The following AIMP1 variants were observed in gnomAD, a reference collection of about 807,000 sequenced individuals.
AIMP1 encodes aminoacyl tRNA synthetase complex interacting multifunctional protein 1.
A neutral mutation model predicts 33.1 loss-of-function variants in AIMP1; 24 were observed. The observed-to-expected ratio is 0.73, with a 90% confidence interval of 0.53 to 1.02. AIMP1 has a LOEUF of 1.02. Ranked by LOEUF, AIMP1 falls within the 50% of genes least tolerant of loss-of-function variation. The pLI is 0.00. For missense variants in AIMP1, 367 were observed against 364.8 expected (o/e 1.01, Z -0.05); for synonymous variants, 120 against 121.5 (o/e 0.99, Z 0.08).
intron 6 of AIMP1, among the ~76,000 whole-genome samples, chr4:106,346,000 T>C (rs1354370626): frequency 6.6e-6 from 1 of 151,434 alleles, no homozygotes; most frequent in East Asian, 1.9e-4. Flanking sequence ...CTAGAAGGTT[T>C]ATATTTCTAT....
intron 1 of AIMP1, among the ~76,000 whole-genome samples, chr4:106,317,080 AC>A (rs979765614): frequency 6.6e-6 from 1 of 152,180 alleles, no homozygotes; most frequent in African/African-American, 2.4e-5. Context: ...TTAGAAACAT[AC>A]TGTATTTTAG....
chr4:106,338,446 T>C (rs1054914140), intron 6 of AIMP1, among the ~76,000 whole-genome samples: 1 of 152,208 alleles, frequency 6.6e-6, no homozygotes, highest in African/African-American at 2.4e-5. Context: ...CAGCCATGGC[T>C]AAAAAGGGCT....
chr4:106,316,671 C>T, intron 1 of AIMP1, 77 bp downstream of exon 1: 2 of 1,454,994 alleles, frequency 1.4e-6, no homozygotes, highest in South Asian at 1.3e-5. Flanking sequence ...TCTAACTTGC[C>T]TCCAGGAGAG....
At position 106,316,571 on chromosome 4, in the gene AIMP1, G is replaced by C. The variant is rs77888521; in HGVS notation, c.-49G>C. The C allele has an allele frequency of 6.4e-7, 1 of 1,551,466 alleles. No homozygotes were observed. Among genetic ancestry groups the C allele is most frequent in the African/African-American group, 1.4e-5 (1 of 73,020 alleles). On this transcript the variant is annotated 5_prime_UTR_variant, in exon 1 of 7. Coordinates refer to ENST00000672341, the MANE Select transcript of AIMP1 (RefSeq NM_001142416.2). ...ACATGCTTCCTGCTGTGGCTGTCTC[G>C]GAACCCGTGGTCCTCCGCTTCATGT...
chr4:106,333,014 T>G (rs3109955), intron 5 of AIMP1, among the ~76,000 whole-genome samples: 1 of 147,550 alleles, frequency 6.8e-6, no homozygotes, highest in African/African-American at 2.5e-5. Flanking sequence ...GCCCCACCCC[T>G]ACCCTTCCCA....
upstream of AIMP1, chr4:106,316,201 T>C (rs1213315060): frequency 4.8e-6 from 1 of 207,894 alleles, no homozygotes; most frequent in Non-Finnish European, 9.8e-6. Flanking sequence ...TCCGAGCTTT[T>C]CACCCTCTAC....
intron 5 of AIMP1, among the ~76,000 whole-genome samples, chr4:106,332,420 A>G (rs1004917814): frequency 4.0e-5 from 6 of 151,784 alleles, no homozygotes; most frequent in African/African-American, 1.4e-4. Flanking sequence ...AAGGAATTAT[A>G]AAATTCCATG....
chr4:106,336,585 TC>T lies in AIMP1; in HGVS notation c.604-283del, dbSNP rs1391214327. Among the ~76,000 whole-genome samples the T allele has an allele frequency of 5.3e-5, 8 of 152,324 alleles. No homozygotes were observed. In the East Asian group the frequency reaches 1.4e-3, roughly 26 times the overall value. The stretch of plus-strand genomic sequence containing the variant: ...ATTGCTAGTACATGGCAGCTGAAAT[TC>T]AAAACCAAGTCTGTTTCACTCATTT... On this transcript the variant is annotated intron_variant, in intron 5 of 6. Transcript: ENST00000672341.
At chr4:106,320,673 G>T (rs1165495522) in intron 1 of AIMP1, among the ~76,000 whole-genome samples, 15 of 152,020 alleles carry the variant, frequency 9.9e-5, no homozygotes, top group African/African-American at 3.6e-4. Context: ...AAAAAAAGGA[G>T]CCCTGAAAGG....
chr4:106,338,389 G>A lies in AIMP1; in HGVS notation c.772+1352G>A, dbSNP rs986417298. On this transcript the variant is annotated intron_variant, in intron 6 of 6. Coordinates refer to ENST00000672341, the MANE Select transcript of AIMP1 (RefSeq NM_001142416.2). ...TTCCTGGGCTGGGCCCAGGGCCCCCGTGCTGTGTGCAGCTTAGGGACTTGG... is the reference window on the plus strand; with the variant it reads ...TTCCTGGGCTGGGCCCAGGGCCCCCATGCTGTGTGCAGCTTAGGGACTTGG... 6.4e-4 allele frequency among the ~76,000 whole-genome samples: 97 copies of A among 152,194 alleles called. 2 individuals carry two copies. The highest frequency in any genetic ancestry group is 5.7e-3 in the Admixed American group (87 of 15,286).
chr4:106,320,986 G>A (rs908820228), intron 1 of AIMP1, among the ~76,000 whole-genome samples: 1 of 152,216 alleles, frequency 6.6e-6, no homozygotes, highest in Non-Finnish European at 1.5e-5. Flanking sequence ...GACCGCGAGT[G>A]ATCTGCCAGC....
Position 106,331,688 on chromosome 4 carries a change from A to T in AIMP1, c.408A>T (p.Lys136Asn). Residue 136 changes from lysine to asparagine, a missense_variant, in exon 5 of 7, where the codon AAA becomes AAT. Transcript: ENST00000672341. ...ACTTTTTAGGAGAGAAGAAGGAGAA[A>T]AAACAGCAATCAATAGCTGGAAGTG... ...KIEKKGEKKEKKQQSIAGSAD... is the reference protein window; with the variant it reads ...KIEKKGEKKENKQQSIAGSAD... 6.2e-7 allele frequency: 1 copy of T among 1,614,098 alleles called. No individual in the cohort carries two copies. Among genetic ancestry groups the T allele is most frequent in the Non-Finnish European group, 8.5e-7 (1 of 1,179,968 alleles).
chr4:106,318,668 C>A (rs1769082461), intron 1 of AIMP1, among the ~76,000 whole-genome samples: 1 of 151,982 alleles, frequency 6.6e-6, no homozygotes, highest in South Asian at 2.1e-4. Context: ...TTGTCATTGC[C>A]CACACTTACA....
At chr4:106,321,756 A>G (rs899480697) in intron 1 of AIMP1, among the ~76,000 whole-genome samples, 4 of 152,194 alleles carry the variant, frequency 2.6e-5, no homozygotes, top group African/African-American at 9.7e-5. Context: ...CGAATAGAAA[A>G]GGGGGAAATG....
rs772983922 is a variant in AIMP1 at position 106,347,895 on chromosome 4, G to C, written c.*203G>C. 279 of 476,050 alleles carry C rather than the reference G, an allele frequency of 5.9e-4. 5 individuals are homozygous for C. The highest frequency in any genetic ancestry group is 1.1e-4 in the Non-Finnish European group (30 of 274,942). 29.5% of individuals were successfully genotyped at this position (476,050 alleles called of 1,614,324 possible). A position where few individuals can be genotyped will look rare whatever the true frequency, so the allele number is the denominator to read the frequency against. On this transcript the variant is annotated 3_prime_UTR_variant, in exon 7 of 7. Coordinates refer to ENST00000672341, the MANE Select transcript of AIMP1 (RefSeq NM_001142416.2). Reference sequence around the variant, plus strand: ...CCTCGGTTTTTGATCATTTATAATGGAGAGAGGAAGTTGCCTATGTTTTGT... The same window carrying C: ...CCTCGGTTTTTGATCATTTATAATGCAGAGAGGAAGTTGCCTATGTTTTGT...
At chr4:106,317,648 A>C (rs904607542) in intron 1 of AIMP1, among the ~76,000 whole-genome samples, 2 of 152,166 alleles carry the variant, frequency 1.3e-5, no homozygotes, top group Non-Finnish European at 2.9e-5. Context: ...GACAGGGTTA[A>C]TTTTATTTAA....
chr4:106,317,603 T>G (rs1301499113), intron 1 of AIMP1, among the ~76,000 whole-genome samples: 1 of 152,200 alleles, frequency 6.6e-6, no homozygotes, highest in Non-Finnish European at 1.5e-5. Context: ...ATATTCTTGA[T>G]GCACTTAATT....
intron 1 of AIMP1, among the ~76,000 whole-genome samples, chr4:106,320,162 C>T (rs1262944755): frequency 5.2e-5 from 6 of 115,916 alleles, no homozygotes; most frequent in African/African-American, 1.3e-4. Context: ...GACTTATACT[C>T]AATGTAAAAT....
chr4:106,345,813 T>C (rs1770275105), intron 6 of AIMP1, among the ~76,000 whole-genome samples: 1 of 149,830 alleles, frequency 6.7e-6, no homozygotes, highest in African/African-American at 2.4e-5. Context: ...AAATAAATAC[T>C]ATTTTATATA....
Sources: gnomAD v4.1 joint callset for allele counts (sites outside exome capture counted in the v4.1 genomes callset) on GRCh38, gnomAD v4.1.1 for gene constraint, MANE v1.5 for transcripts, NCBI Gene and HGNC (gene_info 2026-07-23, HGNC 2026-07-21) for gene names.